GAD2: variants seen among roughly 807,000 people sequenced by gnomAD.
GAD2 encodes the protein glutamate decarboxylase 2, also known as 65 kDa glutamic acid decarboxylase.
GAD2 carries 22 observed loss-of-function variants against 80.1 expected under a neutral mutation model. The ratio of observed to expected loss-of-function variants is 0.27; its 90% CI spans 0.20 to 0.39. The LOEUF is 0.39. GAD2 is among the 10% of genes least tolerant of loss of function. The pLI, the probability that GAD2 is intolerant of heterozygous loss-of-function variation, is 1.00. For synonymous variants in GAD2, 274 were observed against 256.9 expected (o/e 1.07, Z -0.64); for missense variants, 624 against 738.4 (o/e 0.85, Z 1.80).
chr10:26,224,754 T>C, intron 6 of GAD2, 103 bp downstream of exon 6: 1 of 753,350 alleles, frequency 1.3e-6, no homozygotes, highest in Non-Finnish European at 2.3e-6. Context: ...TCTGCTTAGG[T>C]TAAATAGACT....
chr10:26,283,404 T>C (rs1845295091), intron 12 of GAD2, among the ~76,000 whole-genome samples: 1 of 152,228 alleles, frequency 6.6e-6, no homozygotes, highest in African/African-American at 2.4e-5. Context: ...CTTAGGTCCA[T>C]GTATACCGTG....
intron 8 of GAD2, 104 bp from the exon 9 acceptor site, chr10:26,269,015 T>C: frequency 1.4e-6 from 1 of 725,946 alleles, no homozygotes; most frequent in Non-Finnish European, 2.3e-6. Context: ...CGAGTATTGT[T>C]ATCAACAGTT....
At chr10:26,300,763 C>A in intron 15 of GAD2, 25 bp from the exon 16 acceptor site, 1 of 1,603,254 alleles carries the variant, frequency 6.2e-7, no homozygotes, top group South Asian at 1.1e-5. Context: ...AGAAAGTCAC[C>A]ATGCTGATAT....
At chr10:26,268,284 C>T (rs1055684712) in intron 8 of GAD2, among the ~76,000 whole-genome samples, 12 of 152,142 alleles carry the variant, frequency 7.9e-5, no homozygotes, top group South Asian at 4.1e-4. Context: ...CTCGCTAACA[C>T]GGTGAAACCC....
chr10:26,294,926 A>G (rs942162433), intron 15 of GAD2, among the ~76,000 whole-genome samples: 1 of 152,208 alleles, frequency 6.6e-6, no homozygotes, highest in Non-Finnish European at 1.5e-5. Context: ...AACCAGTTAG[A>G]AATTAGATGC....
chr10:26,237,787 C>T (rs994518722), intron 7 of GAD2, among the ~76,000 whole-genome samples: 1 of 152,094 alleles, frequency 6.6e-6, no homozygotes, highest in Non-Finnish European at 1.5e-5. Flanking sequence ...GCAGGTGGAT[C>T]ACCTGAGGTC....
intron 9 of GAD2, 43 bp from the exon 10 acceptor site, chr10:26,270,597 T>C: frequency 7.3e-7 from 1 of 1,373,930 alleles, no homozygotes; most frequent in Non-Finnish European, 1.0e-6. Context: ...AAAAGAACCC[T>C]TGACTCTGTT....
intron 7 of GAD2, among the ~76,000 whole-genome samples, chr10:26,235,417 A>G (rs1359138261): frequency 6.6e-6 from 1 of 152,118 alleles, no homozygotes; most frequent in African/African-American, 2.4e-5. Context: ...CACCAAAGCT[A>G]CCCACTTCTT....
At chr10:26,284,441 A>G (rs1564671029) in intron 12 of GAD2, among the ~76,000 whole-genome samples, 1 of 152,266 alleles carries the variant, frequency 6.6e-6, no homozygotes, top group Non-Finnish European at 1.5e-5. Context: ...AGTTTGGGAC[A>G]GGATGGTCTA....
chr10:26,268,012 C>A (rs1347453629), intron 8 of GAD2, among the ~76,000 whole-genome samples: 1 of 152,198 alleles, frequency 6.6e-6, no homozygotes, highest in African/African-American at 2.4e-5. Flanking sequence ...AAAAACCCCA[C>A]TCACTGCTCA....
chr10:26,296,531 C>T (rs1411777060), intron 15 of GAD2, among the ~76,000 whole-genome samples: 4 of 152,110 alleles, frequency 2.6e-5, no homozygotes, highest in Non-Finnish European at 4.4e-5. Flanking sequence ...TTGCAGATGG[C>T]GCTTTGTCCC....
At chr10:26,234,178 G>A (rs1260369080) in intron 7 of GAD2, among the ~76,000 whole-genome samples, 2 of 152,144 alleles carry the variant, frequency 1.3e-5, no homozygotes, top group East Asian at 3.9e-4. Context: ...ACAAAAATTA[G>A]CCAGGTATGT....
At position 26,247,191 on chromosome 10, in the gene GAD2, T is replaced by C. The variant is rs1340071666; in HGVS notation, c.920+1191T>C. ...ATATGCTTAACAAGGGGTGGATTAT[T>C]CATGCCTCCCCTTTTTAGACCATAT... is the stretch of plus-strand genomic sequence containing the variant. On this transcript the variant is annotated intron_variant, in intron 8 of 15. Coordinates refer to ENST00000376261, the MANE Select transcript of GAD2 (RefSeq NM_001134366.2). 2.0e-5 allele frequency among the ~76,000 whole-genome samples: 3 copies of C among 152,314 alleles called. No individual in the cohort carries two copies. In the South Asian group the frequency reaches 6.2e-4, roughly 32 times the overall value.
At chr10:26,255,122 C>A (rs763808692) in intron 8 of GAD2, among the ~76,000 whole-genome samples, 2 of 152,182 alleles carry the variant, frequency 1.3e-5, no homozygotes, top group Non-Finnish European at 2.9e-5. Context: ...CAGGAGCATC[C>A]ACACTTCAGG....
chr10:26,234,034 AC>A (rs1267692718), intron 7 of GAD2, among the ~76,000 whole-genome samples: 15 of 152,176 alleles, frequency 9.9e-5, no homozygotes, highest in Non-Finnish European at 1.9e-4. Flanking sequence ...TTAAAAAACA[AC>A]AACCTCAGCC....
chr10:26,260,961 C>T (rs548748337), intron 8 of GAD2, among the ~76,000 whole-genome samples: 14 of 152,254 alleles, frequency 9.2e-5, no homozygotes, highest in African/African-American at 3.4e-4. Context: ...TTGACAGACA[C>T]AGGCATGCAG....
Position 26,302,556 on chromosome 10 carries a change from C to T in GAD2, c.*1595C>T, listed in dbSNP as rs904329903. The stretch of plus-strand genomic sequence containing the variant: ...CAGACTGCAAATGCAAATTTAGGAA[C>T]ATTCTCCATTTCTGAATGGACCAGG... On this transcript the variant is annotated 3_prime_UTR_variant, in exon 16 of 16. Transcript: ENST00000376261. 1.3e-5 allele frequency: 2 copies of T among 152,180 alleles called. No homozygotes were observed. Among genetic ancestry groups the T allele is most frequent in the African/African-American group, 4.8e-5 (2 of 41,442 alleles). The allele number at this position is 152,180 out of a possible 1,614,324, so 9.4% of individuals were successfully genotyped here.
intron 5 of GAD2, 110 bp downstream of exon 5, chr10:26,224,087 G>C: frequency 1.4e-6 from 1 of 723,268 alleles, no homozygotes; most frequent in Non-Finnish European, 2.3e-6. Flanking sequence ...CACTAAAATA[G>C]TGATACAAAC....
At position 26,271,101 on chromosome 10, in the gene GAD2, A is replaced by G. The variant is rs8190717; in HGVS notation, c.1092+345A>G. ...CACACAGTCCTGCTGTTCCTCACTT[A>G]CCAGAATGGTCAGAAGAGTAAAGAG... On this transcript the variant is annotated intron_variant, in intron 10 of 15. Coordinates refer to ENST00000376261, the MANE Select transcript of GAD2 (RefSeq NM_001134366.2). Among the ~76,000 whole-genome samples, 1,474 of 152,318 alleles carry G rather than the reference A, an allele frequency of 9.7e-3. 20 individuals are homozygous for G. Among genetic ancestry groups the G allele is most frequent in the African/African-American group, 0.032 (1,328 of 41,570 alleles).
Sources: gnomAD v4.1 joint callset for allele counts (sites outside exome capture counted in the v4.1 genomes callset) on GRCh38, gnomAD v4.1.1 for gene constraint, MANE v1.5 for transcripts, NCBI Gene and HGNC (gene_info 2026-07-23, HGNC 2026-07-21) for gene names.